The following PDSS2 variants were observed in gnomAD, a reference collection of about 807,000 sequenced individuals.
PDSS2 encodes the protein all trans-polyprenyl-diphosphate synthase PDSS2.
Under a neutral mutation model 44.5 loss-of-function variants are expected in PDSS2, and 31 were observed. The ratio of observed to expected loss-of-function variants is 0.70; its 90% confidence interval spans 0.52 to 0.94. PDSS2 has a LOEUF of 0.94. Among genes scored for constraint, PDSS2 ranks in the 40% least tolerant of loss-of-function variants. The probability of loss-of-function intolerance (pLI) is 0.00; values close to 1 mark genes in which losing one functional copy is unlikely to be tolerated. For missense variants in PDSS2, 452 were observed against 482.2 expected (o/e 0.94, Z 0.59); for synonymous variants, 157 against 180.3 (o/e 0.87, Z 1.03).
chr6:107,160,356 GA>G (rs1554246507), intron 7 of PDSS2, among the ~76,000 whole-genome samples: 3 of 152,096 alleles, frequency 2.0e-5, no homozygotes, highest in Non-Finnish European at 4.4e-5. Context: ...AACTTTAACT[GA>G]AAGAGATTCT....
At chr6:107,403,854 G>A (rs1287065122) in intron 1 of PDSS2, among the ~76,000 whole-genome samples, 1 of 152,216 alleles carries the variant, frequency 6.6e-6, no homozygotes, top group Non-Finnish European at 1.5e-5. Context: ...ACTGTGATGG[G>A]AGGGGCTCTC....
chr6:107,275,933 G>A (rs1933638083), intron 2 of PDSS2, among the ~76,000 whole-genome samples: 1 of 151,938 alleles, frequency 6.6e-6, no homozygotes, highest in Admixed American at 6.6e-5. Flanking sequence ...AGGCAACATA[G>A]TGAGACCCTA....
intron 2 of PDSS2, among the ~76,000 whole-genome samples, chr6:107,323,200 A>C (rs1490281175): frequency 1.3e-5 from 2 of 152,232 alleles, no homozygotes; most frequent in Admixed American, 6.5e-5. Context: ...GTTAAGTTCC[A>C]GCAAAAGAGT....
In PDSS2 at chr6:107,445,926, TTCTCTC is replaced by T. The variant is rs959855434; in HGVS notation, c.296+13058_296+13063del. Among the ~76,000 whole-genome samples the T allele has an allele frequency of 1.1e-4, 17 of 152,258 alleles. No individual in the cohort carries two copies. The Middle Eastern group carries it at 0.017, about 152-fold the overall frequency. Reference sequence around the variant, plus strand: ...TCTGTCTCCCAGGTCTTCTTTCTCTTTCTCTCTCTGTCTCTGTCTGTCTGTTTCTCT... The same window carrying T: ...TCTGTCTCCCAGGTCTTCTTTCTCTTTCTGTCTCTGTCTGTCTGTTTCTCT... On this transcript the variant is annotated intron_variant, in intron 1 of 7. Transcript: ENST00000369037.
rs117767274 is a variant in PDSS2 at position 107,443,340 on chromosome 6, A to G, written c.296+15650T>C. Among the ~76,000 whole-genome samples, 9 of 152,348 alleles carry G rather than the reference A, an allele frequency of 5.9e-5. No homozygotes were observed. In the East Asian group the frequency reaches 1.7e-3, roughly 29 times the overall value. ...CTCAGGATAAAATTAGATCATCTTAACATGACATACAAAACTCAAAATCTG... is the reference window on the plus strand; with the variant it reads ...CTCAGGATAAAATTAGATCATCTTAGCATGACATACAAAACTCAAAATCTG... On this transcript the variant is annotated intron_variant, in intron 1 of 7. Coordinates refer to ENST00000369037, the MANE Select transcript of PDSS2 (RefSeq NM_020381.4).
chr6:107,162,909 T>A (rs1452377418), intron 7 of PDSS2, among the ~76,000 whole-genome samples: 2 of 152,160 alleles, frequency 1.3e-5, no homozygotes, highest in African/African-American at 2.4e-5. Flanking sequence ...CCAGCCCCGA[T>A]AATTCTGGCA....
At chr6:107,303,161 G>C (rs1776752306) in intron 2 of PDSS2, among the ~76,000 whole-genome samples, 1 of 152,118 alleles carries the variant, frequency 6.6e-6, no homozygotes, top group South Asian at 2.1e-4. Context: ...GCAAGGGAGT[G>C]AGTACTAAAG....
chr6:107,258,575 G>A (rs1008569809), intron 3 of PDSS2, among the ~76,000 whole-genome samples: 1 of 152,324 alleles, frequency 6.6e-6, no homozygotes, highest in East Asian at 1.9e-4. Context: ...GCCGAGGCAG[G>A]CAGATCACCT....
At chr6:107,298,486 ATTT>A (rs1776583960) in intron 2 of PDSS2, among the ~76,000 whole-genome samples, 1 of 152,174 alleles carries the variant, frequency 6.6e-6, no homozygotes, top group South Asian at 2.1e-4. Context: ...AGACTATACC[ATTT>A]TATATCAGGG....
At chr6:107,221,314 C>T (rs551069259) in intron 4 of PDSS2, among the ~76,000 whole-genome samples, 154 of 140,404 alleles carry the variant, frequency 1.1e-3, no homozygotes, top group African/African-American at 4.2e-3. Context: ...GGCACTCCAG[C>T]CTGGGCGACA....
intron 1 of PDSS2, among the ~76,000 whole-genome samples, chr6:107,389,948 A>G (rs1336039956): frequency 1.3e-5 from 2 of 152,134 alleles, no homozygotes; most frequent in Non-Finnish European, 2.9e-5. Context: ...CAACAAAAGG[A>G]TGGGGTTATG....
chr6:107,274,208 T>C lies in PDSS2; in HGVS notation c.451A>G (p.Ile151Val). Residue 151 changes from isoleucine (I) to valine (V), a missense_variant, in exon 3 of 8, where the codon ATC (isoleucine) becomes GTC (valine). Physicochemically the swap from Ile to Val is conservative, Grantham distance 29. Coordinates refer to ENST00000369037, the MANE Select transcript of PDSS2 (RefSeq NM_020381.4). ...AGAGCAATATGAATTAGCTCCGTGA[T>C]CTCTGCCAAACTTCTTTGACTAAAA... ...IYSCQRSLAE[I>V]TELIHIALLV... 6.2e-7 allele frequency: 1 copy of C among 1,613,716 alleles called. No homozygotes were observed. Among genetic ancestry groups the C allele is most frequent in the Non-Finnish European group, 8.5e-7 (1 of 1,179,552 alleles).
At chr6:107,212,383 A>G in intron 4 of PDSS2, 101 bp from the exon 5 acceptor site, 1 of 895,854 alleles carries the variant, frequency 1.1e-6, no homozygotes, top group South Asian at 1.6e-5. Flanking sequence ...CTATTCAAAA[A>G]CACTCAGGCT....
intron 1 of PDSS2, among the ~76,000 whole-genome samples, chr6:107,420,938 A>T (rs1780805257): frequency 6.6e-6 from 1 of 152,206 alleles, no homozygotes; most frequent in South Asian, 2.1e-4. Flanking sequence ...AATATTTGCA[A>T]ATTTTATATC....
chr6:107,418,673 G>A (rs1019676337), intron 1 of PDSS2, among the ~76,000 whole-genome samples: 1 of 152,150 alleles, frequency 6.6e-6, no homozygotes, highest in Non-Finnish European at 1.5e-5. Flanking sequence ...TACTCGGGAG[G>A]CTGAGGCAGG....
chr6:107,291,274 C>G (rs1221639047), intron 2 of PDSS2, among the ~76,000 whole-genome samples: 1 of 151,598 alleles, frequency 6.6e-6, no homozygotes, highest in Non-Finnish European at 1.5e-5. Context: ...TGGGGTTGGC[C>G]ATGAGTATAT....
intron 4 of PDSS2, among the ~76,000 whole-genome samples, chr6:107,228,445 G>A (rs999061451): frequency 6.6e-6 from 1 of 152,288 alleles, no homozygotes; most frequent in Admixed American, 6.5e-5. Context: ...TGTAATCCCA[G>A]CACTTTGGGA....
At chr6:107,426,804 T>C (rs1424450245) in intron 1 of PDSS2, among the ~76,000 whole-genome samples, 1 of 152,126 alleles carries the variant, frequency 6.6e-6, no homozygotes, top group Non-Finnish European at 1.5e-5. Flanking sequence ...GTAGCCCCTT[T>C]GTTTTGGCCA....
intron 4 of PDSS2, among the ~76,000 whole-genome samples, chr6:107,232,594 T>C (rs1774088262): frequency 6.6e-6 from 1 of 152,240 alleles, no homozygotes; most frequent in Non-Finnish European, 1.5e-5. Context: ...TTCTCTCCTA[T>C]ACAGTTATTG....
Sources: gnomAD v4.1 joint callset for allele counts (sites outside exome capture counted in the v4.1 genomes callset) on GRCh38, gnomAD v4.1.1 for gene constraint, MANE v1.5 for transcripts, NCBI Gene and HGNC (gene_info 2026-07-23, HGNC 2026-07-21) for gene names.